The following NOP14 variants were observed in gnomAD, a reference collection of about 807,000 sequenced individuals.
The protein encoded by NOP14 is NOP14 nucleolar protein.
In NOP14, 57 loss-of-function variants were observed where a neutral mutation model predicts 101.6. That is an observed-to-expected ratio of 0.56 (90% CI 0.45 to 0.70). The LOEUF (loss-of-function observed/expected upper bound fraction) is 0.70. Ranked by LOEUF, NOP14 falls within the 30% of genes least tolerant of loss-of-function variation. The pLI, the probability that NOP14 is intolerant of heterozygous loss-of-function variation, is 0.00. For missense variants in NOP14, 1,134 were observed against 1,075.5 expected (o/e 1.05, Z -0.76); for synonymous variants, 428 against 424.0 (o/e 1.01, Z -0.12).
intron 15 of NOP14, chr4:2,940,334 T>TA (rs997853868): frequency 1.1e-4 from 17 of 152,300 alleles, no homozygotes; most frequent in African/African-American, 3.4e-4. Context: ...CACCCACAGA[T>TA]ACAGCCACTC....
At chr4:2,948,442 C>G (rs757805427) in intron 8 of NOP14, 34 bp from the exon 9 acceptor site, 4 of 1,537,382 alleles carry the variant, frequency 2.6e-6, no homozygotes, top group Non-Finnish European at 3.5e-6. Flanking sequence ...GCACATTTAA[C>G]ATTTATATAT....
Position 2,949,405 on chromosome 4 carries a change from A to G in NOP14, c.1282+529T>C, listed in dbSNP as rs149018670. On this transcript the variant is annotated intron_variant, in intron 8 of 17. Coordinates refer to ENST00000416614, the MANE Select transcript of NOP14 (RefSeq NM_001291978.2). Reference sequence around the variant, plus strand: ...TTTTTGGTAGAGACGAGGTTTCGCAATGTTGCCCAGGCTGGTCTCAAACTC... The same window carrying G: ...TTTTTGGTAGAGACGAGGTTTCGCAGTGTTGCCCAGGCTGGTCTCAAACTC... Among the ~76,000 whole-genome samples, 393 of 152,134 alleles carry G rather than the reference A, an allele frequency of 2.6e-3. 2 individuals carry two copies. The highest frequency in any genetic ancestry group is 0.02 in the Middle Eastern group (6 of 294).
intron 2 of NOP14, among the ~76,000 whole-genome samples, chr4:2,957,369 C>T (rs1198124152): frequency 6.6e-6 from 1 of 152,214 alleles, no homozygotes; most frequent in Non-Finnish European, 1.5e-5. Flanking sequence ...CAGCTGAGAA[C>T]TCCTGTGCAC....
chr4:2,957,994 A>T (rs898830971), intron 1 of NOP14, among the ~76,000 whole-genome samples: 1 of 152,172 alleles, frequency 6.6e-6, no homozygotes. Flanking sequence ...AAGGAAGGGT[A>T]AAAAAGAACA....
Position 2,960,813 on chromosome 4 carries a change from ATAAT to A in NOP14, c.195+2308_195+2311del, listed in dbSNP as rs1305042621. 4.2e-4 allele frequency among the ~76,000 whole-genome samples: 43 copies of A among 102,590 alleles called. 1 individual carries two copies. The highest frequency in any genetic ancestry group is 1.9e-3 in the African/African-American group (41 of 21,798). 67.3% of individuals were successfully genotyped at this position (102,590 alleles called of 152,430 possible). On this transcript the variant is annotated intron_variant, in intron 1 of 17. Transcript: ENST00000416614. Reference sequence around the variant, plus strand: ...ACATTAATATTAATATATTAATATTATAATCACATTATCAATATATTAATATTAT... The same window carrying A: ...ACATTAATATTAATATATTAATATTACACATTATCAATATATTAATATTAT...
intron 1 of NOP14, among the ~76,000 whole-genome samples, chr4:2,962,722 G>A (rs1193630452): frequency 6.6e-6 from 1 of 151,868 alleles, no homozygotes; most frequent in African/African-American, 2.4e-5. Flanking sequence ...ACTTCCCAAG[G>A]AACAAGGTTA....
chr4:2,956,563 T>A (rs566179382), intron 3 of NOP14, 107 bp downstream of exon 3: 6 of 1,102,450 alleles, frequency 5.4e-6, no homozygotes, highest in Admixed American at 5.4e-5. Context: ...AGTAAAACTT[T>A]CATGCAATAA....
At chr4:2,941,948 G>A in intron 14 of NOP14, 1 of 628,532 alleles carries the variant, frequency 1.6e-6, no homozygotes, top group South Asian at 2.1e-5. Context: ...AGCGCCAGCT[G>A]GGATGGGGCG....
chr4:2,958,719 G>A (rs1488119707), intron 1 of NOP14, among the ~76,000 whole-genome samples: 1 of 152,222 alleles, frequency 6.6e-6, no homozygotes, highest in Non-Finnish European at 1.5e-5. Context: ...TGTGGCAGGA[G>A]GGAGCGTGTG....
At chr4:2,949,200 C>T (rs1208717808) in intron 8 of NOP14, among the ~76,000 whole-genome samples, 1 of 152,072 alleles carries the variant, frequency 6.6e-6, no homozygotes, top group Non-Finnish European at 1.5e-5. Context: ...TAGAACCTGA[C>T]CATTTTTCTT....
intron 10 of NOP14, chr4:2,946,913 G>GT (rs1714686062): frequency 3.5e-6 from 1 of 284,100 alleles, no homozygotes. Flanking sequence ...AGAAGATGAC[G>GT]TGGAGAGCTC....
At chr4:2,946,150 C>T (rs550767114) in intron 11 of NOP14, among the ~76,000 whole-genome samples, 2 of 134,636 alleles carry the variant, frequency 1.5e-5, no homozygotes, top group Non-Finnish European at 1.6e-5. Context: ...CACTCCAGAT[C>T]ACCCTCACTG....
rs1481939442 is a variant in NOP14 at position 2,941,615 on chromosome 4, G to A, written c.2166C>T (p.His722=). The change falls in exon 15 of 18, where the codon CAC becomes CAT. Residue 722 remains histidine, a synonymous_variant. Coordinates refer to ENST00000416614, the MANE Select transcript of NOP14 (RefSeq NM_001291978.2). ...MGPLQALLTD[H]LADCSHPQEL... ...CCTGCGGGTGGCTGCAGTCCGCCAGGTGATCCGTGAGGAGGGCTTGGAGAG... is the reference window on the plus strand; with the variant it reads ...CCTGCGGGTGGCTGCAGTCCGCCAGATGATCCGTGAGGAGGGCTTGGAGAG... 6.2e-7 allele frequency: 1 copy of A among 1,613,186 alleles called. No homozygotes were observed. The highest frequency in any genetic ancestry group is 2.2e-5 in the East Asian group (1 of 44,876).
chr4:2,938,955 C>A, intron 17 of NOP14, 25 bp from the exon 18 acceptor site: 3 of 1,601,648 alleles, frequency 1.9e-6, no homozygotes, highest in Non-Finnish European at 2.6e-6. Context: ...AGGCAAATGC[C>A]CATTTTTGGA....
intron 3 of NOP14, among the ~76,000 whole-genome samples, chr4:2,955,312 G>A (rs1346289006): frequency 1.5e-5 from 1 of 66,932 alleles, no homozygotes; most frequent in South Asian, 7.0e-4. Flanking sequence ...TCACCTGCAC[G>A]CCACGGCGCC....
intron 2 of NOP14, 138 bp downstream of exon 2, chr4:2,957,468 G>T: frequency 1.0e-6 from 1 of 982,046 alleles, no homozygotes. Context: ...AGCCAGATAA[G>T]GCACAGGATT....
In NOP14 at chr4:2,938,835, T is replaced by G. The variant is rs779178424; in HGVS notation, c.2570A>C (p.Lys857Thr). The G allele has an allele frequency of 9.9e-6, 16 of 1,611,938 alleles. No homozygotes were observed. The South Asian group carries it at 1.6e-4, about 17-fold the overall frequency. The change falls in exon 18 of 18, where the codon AAA becomes ACA. Residue 857 changes from lysine to threonine, a missense_variant. Transcript: ENST00000416614. ...WKALKRKKFKK is the reference protein window; with the variant it reads ...WKALKRKKFKT ...GCCTTATTTATAAAATGTAATTTAT[T>G]TTTTGAACTTTTTCCTCTTCAGAGC...
chr4:2,945,332 A>C, intron 11 of NOP14, 103 bp from the exon 12 acceptor site: 1 of 859,996 alleles, frequency 1.2e-6, no homozygotes, highest in South Asian at 1.5e-5. Context: ...TGGCGAGGAG[A>C]GGGTGCATCT....
intron 1 of NOP14, among the ~76,000 whole-genome samples, chr4:2,960,990 GATATTATTTTAA>G (rs1715794017): frequency 1.6e-4 from 1 of 6,238 alleles, no homozygotes; most frequent in Non-Finnish European, 2.8e-4. Flanking sequence ...ATATTATATC[GATATTATTTTAA>G]TATTATATCA....
Sources: allele counts gnomAD v4.1 joint callset (sites outside exome capture counted in the v4.1 genomes callset), GRCh38; gene constraint gnomAD v4.1.1; transcripts MANE v1.5; gene names NCBI Gene and HGNC (gene_info 2026-07-23, HGNC 2026-07-21).